PABPC4L: variants seen among roughly 807,000 people sequenced by gnomAD.
PABPC4L encodes the protein polyadenylate-binding protein 4-like.
For synonymous variants in PABPC4L, 169 were observed against 164.1 expected, an observed-to-expected ratio of 1.03 and a Z score of -0.23; for missense variants, 452 against 451.4, an observed-to-expected ratio of 1.00 and a Z score of -0.01.
chr4:134,199,983 G>C lies in PABPC4L; in HGVS notation c.1037C>G (p.Thr346Ser), dbSNP rs561534176. The C allele has an allele frequency of 5.2e-6, 8 of 1,551,490 alleles. No homozygotes were observed. Among genetic ancestry groups the C allele is most frequent in the African/African-American group, 4.1e-5 (3 of 73,028 alleles). The change falls in exon 2 of 2, where the codon ACT (threonine) becomes AGT (serine). Residue 346 changes from threonine (T) to serine (S), a missense_variant. By Grantham distance (58) the Thr-to-Ser change is moderately conservative (BLOSUM62 1). Transcript: ENST00000421491. Reference sequence around the variant, plus strand: ...GCCATTCATCTCAGTCATTGCTTTAGTAGCATCCTCAGGAGAGGAGAAGCA... The same window carrying C: ...GCCATTCATCTCAGTCATTGCTTTACTAGCATCCTCAGGAGAGGAGAAGCA... Reference protein sequence around the residue: ...LICFSSPEDATKAMTEMNGRI... With the variant: ...LICFSSPEDASKAMTEMNGRI...
the PABPC4L span, among the ~76,000 whole-genome samples, chr4:134,163,536 A>T: frequency 6.6e-6 from 1 of 152,184 alleles, no homozygotes; most frequent in Non-Finnish European, 1.5e-5. Context: ...CAAAGCCAGG[A>T]AAGAACATAA....
the PABPC4L span, among the ~76,000 whole-genome samples, chr4:134,114,857 T>C: frequency 6.6e-6 from 1 of 151,970 alleles, no homozygotes; most frequent in Non-Finnish European, 1.5e-5. Context: ...TTATCATCTC[T>C]GCCTTTTATA....
At chr4:134,025,866 C>A in the PABPC4L span, among the ~76,000 whole-genome samples, 1 of 151,978 alleles carries the variant, frequency 6.6e-6, no homozygotes, top group Non-Finnish European at 1.5e-5. Flanking sequence ...TTCATTCTAA[C>A]ATAATTTTTT....
chr4:134,180,827 C>T, the PABPC4L span, among the ~76,000 whole-genome samples: 38 of 151,650 alleles, frequency 2.5e-4, no homozygotes, highest in Middle Eastern at 3.4e-3. Context: ...AAGTTTGAAC[C>T]GGTAAGATAT....
At chr4:134,036,722 A>C in the PABPC4L span, among the ~76,000 whole-genome samples, 1 of 152,094 alleles carries the variant, frequency 6.6e-6, no homozygotes, top group East Asian at 1.9e-4. Context: ...TACCAGTAAC[A>C]TGCTGTTTTG....
At chr4:134,131,250 A>G in the PABPC4L span, among the ~76,000 whole-genome samples, 8 of 152,194 alleles carry the variant, frequency 5.3e-5, no homozygotes, top group Non-Finnish European at 8.8e-5. Flanking sequence ...GAGGAAGTCA[A>G]CCTGTTGCTG....
chr4:134,101,443 A>C, the PABPC4L span, among the ~76,000 whole-genome samples: 1 of 151,404 alleles, frequency 6.6e-6, no homozygotes, highest in Admixed American at 6.6e-5. Context: ...ATAAATTCTG[A>C]TGCACGAAAG....
chr4:133,975,031 A>T, the PABPC4L span, among the ~76,000 whole-genome samples: 1 of 152,156 alleles, frequency 6.6e-6, no homozygotes, highest in Non-Finnish European at 1.5e-5. Flanking sequence ...ATGTTCACTC[A>T]ATATCTTGTA....
chr4:134,052,399 T>A, the PABPC4L span, among the ~76,000 whole-genome samples: 1 of 152,078 alleles, frequency 6.6e-6, no homozygotes, highest in South Asian at 2.1e-4. Flanking sequence ...GAAAACAGTG[T>A]TTTACTCTCA....
chr4:134,141,237 C>T, the PABPC4L span, among the ~76,000 whole-genome samples: 1 of 151,392 alleles, frequency 6.6e-6, no homozygotes, highest in Non-Finnish European at 1.5e-5. Context: ...GTACCACCAC[C>T]CCTGTGGACA....
At chr4:134,088,444 C>T in the PABPC4L span, among the ~76,000 whole-genome samples, 1 of 152,128 alleles carries the variant, frequency 6.6e-6, no homozygotes, top group Non-Finnish European at 1.5e-5. Flanking sequence ...TACATTCCCT[C>T]ATTATCCATT....
the PABPC4L span, among the ~76,000 whole-genome samples, chr4:133,993,329 A>T: frequency 6.6e-6 from 1 of 152,014 alleles, no homozygotes; most frequent in Non-Finnish European, 1.5e-5. Context: ...AGAATGTTGG[A>T]TGTTCCACAT....
At chr4:134,016,982 C>A in the PABPC4L span, among the ~76,000 whole-genome samples, 1 of 152,158 alleles carries the variant, frequency 6.6e-6, no homozygotes. Context: ...AGGTAGAGGC[C>A]TTTCCTACAA....
At chr4:134,075,226 T>C in the PABPC4L span, among the ~76,000 whole-genome samples, 1 of 152,232 alleles carries the variant, frequency 6.6e-6, no homozygotes, top group African/African-American at 2.4e-5. Flanking sequence ...TTTAAGGTGA[T>C]TTTAATTTAG....
the PABPC4L span, among the ~76,000 whole-genome samples, chr4:134,091,395 T>C: frequency 2.6e-5 from 4 of 152,076 alleles, no homozygotes; most frequent in Non-Finnish European, 4.4e-5. Flanking sequence ...CTTTCTTCTT[T>C]CAACTTTATA....
chr4:134,118,827 G>A, the PABPC4L span, among the ~76,000 whole-genome samples: 7 of 151,782 alleles, frequency 4.6e-5, no homozygotes, highest in Non-Finnish European at 1.0e-4. Context: ...TTAAAGAAAT[G>A]TAGCTGTCTC....
the PABPC4L span, among the ~76,000 whole-genome samples, chr4:134,166,026 A>G: frequency 6.6e-6 from 1 of 152,168 alleles, no homozygotes; most frequent in Non-Finnish European, 1.5e-5. Context: ...TAATTCAGAA[A>G]TGGAAAACCA....
At chr4:133,979,926 C>T in the PABPC4L span, among the ~76,000 whole-genome samples, 1 of 151,982 alleles carries the variant, frequency 6.6e-6, no homozygotes, top group Non-Finnish European at 1.5e-5. Flanking sequence ...ACAATAATTC[C>T]CATTATTCAA....
the PABPC4L span, among the ~76,000 whole-genome samples, chr4:133,949,991 T>G: frequency 0.19 from 28,634 of 152,114 alleles, 3,152 homozygotes; most frequent in Middle Eastern, 0.26. Flanking sequence ...GGAGACATTT[T>G]GTCCAAGGCA....
Sources: allele counts gnomAD v4.1 joint callset (sites outside exome capture counted in the v4.1 genomes callset), GRCh38; gene constraint gnomAD v4.1.1; transcripts MANE v1.5; gene names NCBI Gene and HGNC (gene_info 2026-07-23, HGNC 2026-07-21).